Variants in XKR9 observed in about 807,000 individuals in gnomAD.
XKR9 encodes XK-related protein 9.
XKR9 carries 32 observed loss-of-function variants against 32.0 expected under a neutral mutation model. That is an observed-to-expected ratio of 1.00 (90% CI 0.76 to 1.34). The LOEUF is 1.34. Ranked by LOEUF, XKR9 falls within the 40% of genes most tolerant of loss-of-function variation. The pLI is 0.00. For missense variants in XKR9, 546 were observed against 429.7 expected (o/e 1.27, Z -2.39); for synonymous variants, 168 against 143.4 (o/e 1.17, Z -1.22).
chr8:71,063,554 CA>C, the XKR9 span, among the ~76,000 whole-genome samples: 137 of 131,092 alleles, frequency 1.0e-3, no homozygotes, highest in Middle Eastern at 7.4e-3. Context: ...GAGCAAGTGA[CA>C]AAAAAAAAAA....
At chr8:70,737,116 C>G (rs1467363035), downstream of XKR9, among the ~76,000 whole-genome samples, 8 of 150,014 alleles carry the variant, frequency 5.3e-5, no homozygotes, top group South Asian at 1.5e-3. Flanking sequence ...AATGTTCTTC[C>G]ATTTGTTTGT....
At chr8:70,711,346 T>C (rs1586844602) in intron 4 of XKR9, among the ~76,000 whole-genome samples, 2 of 152,312 alleles carry the variant, frequency 1.3e-5, no homozygotes, top group African/African-American at 4.8e-5. Flanking sequence ...GCAGCACTTT[T>C]CACAATAGCA....
At chr8:70,801,126 C>T in the XKR9 span, among the ~76,000 whole-genome samples, 304 of 152,014 alleles carry the variant, frequency 2.0e-3, 1 homozygote, top group African/African-American at 7.0e-3. Flanking sequence ...TTTCAAGGAA[C>T]CAACTCATGG....
At chr8:70,764,233 C>T (rs925511615) in intron 2 of XKR9, among the ~76,000 whole-genome samples, 2 of 152,152 alleles carry the variant, frequency 1.3e-5, no homozygotes, top group Non-Finnish European at 2.9e-5. Flanking sequence ...CTTCTCTGCC[C>T]TCTTTACTCT....
chr8:70,746,162 T>C (rs1466153132), intron 2 of XKR9, among the ~76,000 whole-genome samples: 1 of 150,822 alleles, frequency 6.6e-6, no homozygotes, highest in African/African-American at 2.4e-5. Flanking sequence ...ATAATAAATA[T>C]ATAATTATAT....
At chr8:70,964,136 T>G in the XKR9 span, among the ~76,000 whole-genome samples, 2 of 152,156 alleles carry the variant, frequency 1.3e-5, no homozygotes, top group Non-Finnish European at 2.9e-5. Context: ...TGAGTTAACT[T>G]TTTTGTATAA....
the XKR9 span, among the ~76,000 whole-genome samples, chr8:70,797,822 A>G: frequency 5.9e-5 from 9 of 152,236 alleles, no homozygotes; most frequent in South Asian, 1.5e-3. Flanking sequence ...TTGTGTTTCT[A>G]CATTAGTTTG....
At chr8:70,722,212 C>T (rs920131833) in intron 4 of XKR9, among the ~76,000 whole-genome samples, 1 of 151,954 alleles carries the variant, frequency 6.6e-6, no homozygotes, top group Non-Finnish European at 1.5e-5. Flanking sequence ...GCTGGGTCTC[C>T]TGAATATGGC....
chr8:71,048,332 C>T, the XKR9 span, among the ~76,000 whole-genome samples: 2 of 152,112 alleles, frequency 1.3e-5, no homozygotes, highest in South Asian at 2.1e-4. Context: ...CACACCACAT[C>T]GTTTAGAGCT....
chr8:70,857,643 C>G, the XKR9 span, among the ~76,000 whole-genome samples: 2 of 152,130 alleles, frequency 1.3e-5, no homozygotes, highest in Non-Finnish European at 2.9e-5. Context: ...GATACCAAAG[C>G]CTGGCCGAGA....
chr8:70,677,295 A>G (rs1465135935), intron 2 of XKR9, among the ~76,000 whole-genome samples: 1 of 150,672 alleles, frequency 6.6e-6, no homozygotes, highest in Admixed American at 6.6e-5. Context: ...ACAGGAGCAC[A>G]CTACCATGCC....
chr8:70,841,818 T>C, the XKR9 span, among the ~76,000 whole-genome samples: 1 of 152,236 alleles, frequency 6.6e-6, no homozygotes, highest in Non-Finnish European at 1.5e-5. Context: ...ATAGTGGTGG[T>C]ATAAATTCTA....
the XKR9 span, among the ~76,000 whole-genome samples, chr8:70,837,079 AC>A: frequency 2.5e-4 from 38 of 152,052 alleles, no homozygotes; most frequent in African/African-American, 8.9e-4. Flanking sequence ...TAGGTCTATG[AC>A]GAGCGGGTTA....
chr8:70,980,287 A>C, the XKR9 span, among the ~76,000 whole-genome samples: 1 of 152,152 alleles, frequency 6.6e-6, no homozygotes, highest in African/African-American at 2.4e-5. Context: ...AGCCAGTCCC[A>C]GTGAGATGAA....
At chr8:70,884,698 T>C in the XKR9 span, among the ~76,000 whole-genome samples, 28 of 152,176 alleles carry the variant, frequency 1.8e-4, no homozygotes, top group Non-Finnish European at 1.3e-4. Context: ...TTGGCTATAT[T>C]TGTGTGGGTC....
At chr8:70,709,473 A>G (rs1805833073) in intron 4 of XKR9, among the ~76,000 whole-genome samples, 1 of 152,210 alleles carries the variant, frequency 6.6e-6, no homozygotes, top group Non-Finnish European at 1.5e-5. Context: ...AAGTGAAAGA[A>G]ATAAAAGGCA....
At chr8:70,860,260 T>C in the XKR9 span, among the ~76,000 whole-genome samples, 1 of 152,068 alleles carries the variant, frequency 6.6e-6, no homozygotes, top group African/African-American at 2.4e-5. Context: ...TTCATGAAGG[T>C]GGAGCCCTCA....
the XKR9 span, among the ~76,000 whole-genome samples, chr8:70,844,826 T>C: frequency 6.6e-6 from 1 of 152,284 alleles, no homozygotes; most frequent in South Asian, 2.1e-4. Flanking sequence ...CTAACACTAA[T>C]GCATGCCACT....
At chr8:70,971,209 A>T in the XKR9 span, among the ~76,000 whole-genome samples, 2 of 151,928 alleles carry the variant, frequency 1.3e-5, no homozygotes, top group Non-Finnish European at 2.9e-5. Context: ...CATTTTCCTG[A>T]TAATTAGTGA....
Sources: allele counts gnomAD v4.1 joint callset (sites outside exome capture counted in the v4.1 genomes callset), GRCh38; gene constraint gnomAD v4.1.1; transcripts MANE v1.5; gene names NCBI Gene and HGNC (gene_info 2026-07-23, HGNC 2026-07-21).